C4orf51: variants seen among roughly 807,000 people sequenced by gnomAD.
C4orf51 encodes chromosome 4 open reading frame 51.
C4orf51 carries 25 observed loss-of-function variants against 25.2 expected under a neutral mutation model. The ratio of observed to expected loss-of-function variants is 0.99; its 90% CI spans 0.72 to 1.39. The LOEUF (loss-of-function observed/expected upper bound fraction) is 1.39. Ranked by LOEUF, C4orf51 falls within the 40% of genes most tolerant of loss-of-function variation. The probability of loss-of-function intolerance (pLI) is 0.00; values close to 1 mark genes in which losing one functional copy is unlikely to be tolerated. For synonymous variants in C4orf51, 100 were observed against 84.5 expected (o/e 1.18, Z -1.01); for missense variants, 252 against 239.6 (o/e 1.05, Z -0.34).
rs1734692158 is a variant in C4orf51, at chr4:145,762,511, A to C, written n.167-8477A>C. Among the ~76,000 whole-genome samples the C allele has an allele frequency of 6.6e-6, 1 of 152,156 alleles. No homozygotes were observed. The highest frequency in any genetic ancestry group is 1.5e-5 in the Non-Finnish European group (1 of 68,034). On this transcript the variant is annotated intron_variant and non_coding_transcript_variant, in intron 1 of 1. Transcript: ENST00000510096. This position sits in a 1 kb window ranked among gnomAD's most constrained non-coding sequence, Gnocchi z 4.9. Reference sequence around the variant, plus strand: ...GTAGAGTACTTAACACACGGTAAGCACTCAGGACATACTGGTTCATTATTT... The same window carrying C: ...GTAGAGTACTTAACACACGGTAAGCCCTCAGGACATACTGGTTCATTATTT...
Position 145,765,125 on chromosome 4 carries a change from C to T in C4orf51, n.167-5863C>T. On this transcript the variant is annotated intron_variant and non_coding_transcript_variant, in intron 1 of 1. Coordinates refer to the C4orf51 transcript ENST00000510096. This position sits in a 1 kb window ranked among gnomAD's most constrained non-coding sequence, Gnocchi z 4.7. ...TCTGCAGATGACGCTCAAACATGTT[C>T]TTCGTCTTGCAGACAAAGTTGCAAA... The T allele has an allele frequency of 6.2e-7, 1 of 1,613,736 alleles. No homozygotes were observed. Among genetic ancestry groups the T allele is most frequent in the Non-Finnish European group, 8.5e-7 (1 of 1,179,830 alleles).
chr4:145,735,643 G>A (rs6841736), downstream of C4orf51, among the ~76,000 whole-genome samples: 23,956 of 152,128 alleles, frequency 0.16, 2,347 homozygotes, highest in East Asian at 0.38. Flanking sequence ...ATGAACTTTG[G>A]CTGGCATAAA....
In C4orf51 at chr4:145,769,841, C is replaced by A. The variant is rs78474964; in HGVS notation, n.167-1147C>A. On this transcript the variant is annotated intron_variant and non_coding_transcript_variant, in intron 1 of 1. Coordinates refer to the C4orf51 transcript ENST00000510096. ...AACAAAACAAAACCCCTAAATATTG[C>A]ACAATTTTAAACAGCACAAATTAGG... 5.3e-3 allele frequency among the ~76,000 whole-genome samples: 809 copies of A among 152,306 alleles called. 3 individuals are homozygous for A. The highest frequency in any genetic ancestry group is 8.4e-3 in the Admixed American group (128 of 15,288).
intron 1 of C4orf51, among the ~76,000 whole-genome samples, chr4:145,748,186 A>G (rs1054322503): frequency 2.1e-4 from 32 of 152,130 alleles, no homozygotes; most frequent in Non-Finnish European, 2.9e-5. Flanking sequence ...CTAGTTGCTC[A>G]TAATAGCAAC....
intron 1 of C4orf51, among the ~76,000 whole-genome samples, chr4:145,738,462 A>G (rs1345960661): frequency 1.8e-4 from 3 of 17,036 alleles, no homozygotes; most frequent in Non-Finnish European, 3.1e-4. Flanking sequence ...AAAAAAACAT[A>G]TATATATATA....
chr4:145,702,613 G>A (rs186146089), intron 2 of C4orf51, among the ~76,000 whole-genome samples: 63 of 151,766 alleles, frequency 4.2e-4, no homozygotes, highest in African/African-American at 1.3e-3. Context: ...AGCTGATATC[G>A]CCTGGTGCTA....
intron 1 of C4orf51, chr4:145,760,615 T>C: frequency 3.3e-6 from 1 of 306,504 alleles, no homozygotes; most frequent in Non-Finnish European, 5.0e-6. Flanking sequence ...CAGAGCCAAT[T>C]TTCTATTCCT....
At chr4:145,692,799 T>G (rs1319780873) in intron 1 of C4orf51, among the ~76,000 whole-genome samples, 2 of 152,146 alleles carry the variant, frequency 1.3e-5, no homozygotes, top group African/African-American at 4.8e-5. Flanking sequence ...ATGACTTTGT[T>G]CATTCCATAC....
chr4:145,776,562 C>CT, the C4orf51 span, among the ~76,000 whole-genome samples: 1 of 151,758 alleles, frequency 6.6e-6, no homozygotes, highest in African/African-American at 2.4e-5. Context: ...AAGGTAAGCC[C>CT]CACACAGGGC....
At chr4:145,769,371 A>G (rs777639860) in intron 1 of C4orf51, among the ~76,000 whole-genome samples, 2 of 152,178 alleles carry the variant, frequency 1.3e-5, no homozygotes, top group Non-Finnish European at 2.9e-5. Context: ...GAGACCCTGA[A>G]TCCCTGATAC....
chr4:145,735,803 A>G (rs56901865), downstream of C4orf51, among the ~76,000 whole-genome samples: 2,192 of 152,234 alleles, frequency 0.014, 53 homozygotes, highest in African/African-American at 0.05. Context: ...CTTGTTCCTT[A>G]AAGTCTACTT....
At chr4:145,740,240 C>CAAAAAAAAAAAAAGAAAAAAA (rs1733023395) in intron 1 of C4orf51, among the ~76,000 whole-genome samples, 1 of 104,836 alleles carries the variant, frequency 9.5e-6, no homozygotes, top group Non-Finnish European at 1.8e-5. Flanking sequence ...TCCCTTTCTG[C>CAAAAAAAAAAAAAGAAAAAAA]AAAAAAAAAA....
rs370957353 is a variant in C4orf51, at chr4:145,685,869, A to G, written c.233+5433A>G. 3.9e-4 allele frequency among the ~76,000 whole-genome samples: 60 copies of G among 152,294 alleles called. 1 individual carries two copies. The highest frequency in any genetic ancestry group is 1.7e-3 in the East Asian group (9 of 5,188). Reference sequence around the variant, plus strand: ...AAACAAAACTAGAAAATGTCTAAATATATAGAAATTTAACAGTACACTCAT... The same window carrying G: ...AAACAAAACTAGAAAATGTCTAAATGTATAGAAATTTAACAGTACACTCAT... On this transcript the variant is annotated intron_variant, in intron 1 of 5. Coordinates refer to ENST00000438731, the MANE Select transcript of C4orf51 (RefSeq NM_001080531.3).
chr4:145,735,148 G>T (rs1732736437), downstream of C4orf51, among the ~76,000 whole-genome samples: 1 of 152,194 alleles, frequency 6.6e-6, no homozygotes, highest in Admixed American at 6.5e-5. Flanking sequence ...CCAGGTCGGG[G>T]ATTGCCACAG....
intron 1 of C4orf51, chr4:145,760,286 C>A (rs1423977708): frequency 6.6e-6 from 1 of 152,226 alleles, no homozygotes; most frequent in African/African-American, 2.4e-5. Context: ...GAAGCCAGTA[C>A]AAAGAATGTG....
intron 1 of C4orf51, among the ~76,000 whole-genome samples, chr4:145,753,191 T>C (rs1733777599): frequency 1.3e-5 from 2 of 149,106 alleles, no homozygotes; most frequent in Non-Finnish European, 2.9e-5. Context: ...GTTGTTAAAT[T>C]TGGTGTTTCT....
chr4:145,774,969 C>T (rs1414649909), downstream of C4orf51, among the ~76,000 whole-genome samples: 4 of 152,146 alleles, frequency 2.6e-5, no homozygotes, highest in Non-Finnish European at 5.9e-5. Context: ...CTGCACATCA[C>T]CTAATTGATT....
At chr4:145,748,947 C>G (rs968642126) in intron 1 of C4orf51, among the ~76,000 whole-genome samples, 4 of 151,746 alleles carry the variant, frequency 2.6e-5, no homozygotes, top group Admixed American at 6.6e-5. Flanking sequence ...GAAGATATAT[C>G]CAACGCTGAA....
At chr4:145,790,242 T>G in the C4orf51 span, among the ~76,000 whole-genome samples, 1 of 152,202 alleles carries the variant, frequency 6.6e-6, no homozygotes, top group East Asian at 1.9e-4. Context: ...ATTATCATTG[T>G]TTGGGCAGAT....
Sources: gnomAD v4.1 joint callset for allele counts (sites outside exome capture counted in the v4.1 genomes callset) on GRCh38, gnomAD v4.1.1 for gene constraint, Gnocchi (gnomAD v3.1) non-coding constraint, MANE v1.5 for transcripts, NCBI Gene and HGNC (gene_info 2026-07-23, HGNC 2026-07-21) for gene names.